DOCK9: variants seen among roughly 807,000 people sequenced by gnomAD.
DOCK9 encodes the protein dedicator of cytokinesis protein 9.
A neutral mutation model predicts 263.3 loss-of-function variants in DOCK9; 89 were observed. The observed-to-expected ratio is 0.34, with a 90% CI of 0.28 to 0.40. The LOEUF (loss-of-function observed/expected upper bound fraction) is 0.40. Among genes scored for constraint, DOCK9 ranks in the 10% least tolerant of loss-of-function variants. The probability of loss-of-function intolerance (pLI) is 1.00; values close to 1 mark genes in which losing one functional copy is unlikely to be tolerated. For missense variants in DOCK9, 2,140 were observed against 2,603.4 expected (o/e 0.82, Z 3.87); for synonymous variants, 976 against 973.1 (o/e 1.00, Z -0.06).
At chr13:98,816,986 T>A (rs1328209635) in intron 45 of DOCK9, among the ~76,000 whole-genome samples, 4 of 152,104 alleles carry the variant, frequency 2.6e-5, no homozygotes, top group Admixed American at 1.3e-4. Flanking sequence ...GATAATTTTA[T>A]GAGACATAAA....
chr13:98,973,284 C>T (rs1365913585), intron 1 of DOCK9, among the ~76,000 whole-genome samples: 1 of 152,086 alleles, frequency 6.6e-6, no homozygotes, highest in African/African-American at 2.4e-5. Flanking sequence ...TGATCATTGC[C>T]CATAAGCTTA....
In DOCK9 at chr13:98,957,686, C is replaced by T. The variant is rs538180259; in HGVS notation, c.127-2135G>A. ...TGTTTGTCATACTGCATAGAGTAAC[C>T]AGTCAATAAATGCTTGCTGGCAAAA... On this transcript the variant is annotated intron_variant, in intron 1 of 52. Transcript: ENST00000682017. Among the ~76,000 whole-genome samples the T allele has an allele frequency of 1.5e-4, 22 of 151,702 alleles. No individual in the cohort carries two copies. In the South Asian group the frequency reaches 2.9e-3, roughly 20 times the overall value.
At position 98,948,788 on chromosome 13, in the gene DOCK9, G is replaced by T. The variant is rs1318800098; in HGVS notation, c.243+6647C>A. Among the ~76,000 whole-genome samples the T allele has an allele frequency of 4.6e-5, 7 of 152,112 alleles. No homozygotes were observed. In the South Asian group the frequency reaches 1.4e-3, roughly 31 times the overall value. On this transcript the variant is annotated intron_variant, in intron 2 of 52. Coordinates refer to ENST00000682017, the MANE Select transcript of DOCK9 (RefSeq NM_001366683.2). ...TTGATTCTTTAGGGACCTTACATAG[G>T]TGGAATTGAACAGTATTTGTCCTTC...
At chr13:98,983,407 G>A (rs9513526) in intron 1 of DOCK9, among the ~76,000 whole-genome samples, 22,667 of 151,940 alleles carry the variant, frequency 0.15, 2,414 homozygotes, top group East Asian at 0.43. Flanking sequence ...AGAGCAGAAC[G>A]GCACTGCAGA....
At chr13:98,887,143 A>ATTTTTTTTTTTTT (rs58434344) in intron 18 of DOCK9, among the ~76,000 whole-genome samples, 5 of 95,292 alleles carry the variant, frequency 5.2e-5, no homozygotes, top group East Asian at 4.3e-4. Context: ...ATATATATAT[A>ATTTTTTTTTTTTT]TTTTTTTTTT....
chr13:98,995,847 G>C (rs903256773), intron 1 of DOCK9, among the ~76,000 whole-genome samples: 1 of 152,142 alleles, frequency 6.6e-6, no homozygotes, highest in African/African-American at 2.4e-5. Context: ...GGCTGAGTTA[G>C]TGCAAATTGA....
At position 98,904,636 on chromosome 13, in the gene DOCK9, G is replaced by A. The variant is rs1278526703; in HGVS notation, c.1031C>T (p.Ala344Val). Residue 344 changes from alanine (A) to valine (V), a missense_variant, in exon 10 of 53, where the codon GCC becomes GTC. Around this residue, in one of 2 missense-constraint regions of DOCK9, gnomAD observed 1,521 missense variants for 1,741.7 expected, o/e 0.87. Coordinates refer to ENST00000682017, the MANE Select transcript of DOCK9 (RefSeq NM_001366683.2). Reference sequence around the variant, plus strand: ...AAACATTTAGATAGTTCTTACCTGGGCATCTGGGTCCAAATAAAAAAGTTT... The same window carrying A: ...AAACATTTAGATAGTTCTTACCTGGACATCTGGGTCCAAATAAAAAAGTTT... The part of the protein sequence containing the change: ...RVKLFYLDPD[A>V]QKLDFSSAEP... The A allele has an allele frequency of 1.3e-6, 2 of 1,554,022 alleles. No homozygotes were observed. The highest frequency in any genetic ancestry group is 1.9e-5 in the Admixed American group (1 of 51,292).
At chr13:99,000,560 T>C (rs1256588955) in intron 1 of DOCK9, among the ~76,000 whole-genome samples, 4 of 152,140 alleles carry the variant, frequency 2.6e-5, no homozygotes, top group Non-Finnish European at 4.4e-5. Flanking sequence ...TCAAGAAAAC[T>C]GTCACATACT....
intron 1 of DOCK9, among the ~76,000 whole-genome samples, chr13:99,073,873 C>T (rs796714861): frequency 4.6e-5 from 7 of 152,350 alleles, no homozygotes; most frequent in African/African-American, 1.7e-4. Context: ...AGAACTGCTT[C>T]TCCTGTTATC....
chr13:98,962,648 A>G (rs1263434542), intron 1 of DOCK9, among the ~76,000 whole-genome samples: 1 of 152,086 alleles, frequency 6.6e-6, no homozygotes, highest in African/African-American at 2.4e-5. Flanking sequence ...AAAAAAAAAA[A>G]AAAGAAAAAA....
chr13:99,025,617 C>T (rs1460882844), intron 1 of DOCK9, among the ~76,000 whole-genome samples: 1 of 152,198 alleles, frequency 6.6e-6, no homozygotes, highest in Non-Finnish European at 1.5e-5. Flanking sequence ...TGCAAAACAG[C>T]GTAGCCGCTA....
chr13:98,833,368 A>G (rs1276495585), intron 39 of DOCK9, among the ~76,000 whole-genome samples: 1 of 152,106 alleles, frequency 6.6e-6, no homozygotes, highest in Non-Finnish European at 1.5e-5. Flanking sequence ...TCTGGAGGTG[A>G]GCTTTCATTT....
chr13:98,904,652 A>T lies in DOCK9; in HGVS notation c.1015T>A (p.Tyr339Asn), dbSNP rs763777876. 1 of 1,557,242 alleles carries T rather than the reference A, an allele frequency of 6.4e-7. No individual in the cohort carries two copies. The highest frequency in any genetic ancestry group is 8.7e-7 in the Non-Finnish European group (1 of 1,149,262). The change falls in exon 10 of 53, where the codon TAT (tyrosine) becomes AAT (asparagine). Residue 339 changes from tyrosine (Y) to asparagine (N), a missense_variant. By Grantham distance (143) the Tyr-to-Asn change is moderately radical. Transcript: ENST00000682017. ...LKSESRVKLF[Y>N]LDPDAQKLDF... ...CTTACCTGGGCATCTGGGTCCAAAT[A>T]AAAAAGTTTGACTCTGCTTTCACTT...
At chr13:98,939,321 G>A (rs867100458) in intron 2 of DOCK9, among the ~76,000 whole-genome samples, 20 of 152,130 alleles carry the variant, frequency 1.3e-4, no homozygotes, top group African/African-American at 4.3e-4. Flanking sequence ...AAGAAGGCCC[G>A]GGGTCCACAG....
intron 2 of DOCK9, among the ~76,000 whole-genome samples, chr13:98,953,270 C>G (rs1182102965): frequency 3.9e-5 from 6 of 152,208 alleles, no homozygotes; most frequent in African/African-American, 1.4e-4. Flanking sequence ...TCTCCCCAAA[C>G]AGAAAATAAT....
intron 5 of DOCK9, among the ~76,000 whole-genome samples, chr13:98,922,650 T>C (rs2052245402): frequency 1.3e-5 from 2 of 152,170 alleles, no homozygotes; most frequent in African/African-American, 4.8e-5. Context: ...ATAAAAATAA[T>C]TTGCTACATG....
At chr13:98,889,193 A>T (rs1269384183) in intron 15 of DOCK9, among the ~76,000 whole-genome samples, 1 of 152,190 alleles carries the variant, frequency 6.6e-6, no homozygotes, top group Non-Finnish European at 1.5e-5. Context: ...CTAAGCTATG[A>T]GGATGCAAAG....
intron 2 of DOCK9, among the ~76,000 whole-genome samples, chr13:98,931,292 A>AT (rs10623923): frequency 2.6e-4 from 39 of 148,500 alleles, no homozygotes; most frequent in Non-Finnish European, 4.5e-4. Flanking sequence ...TAATTTTTTT[A>AT]TTTATTTTAT....
rs117384084 is a variant in DOCK9, at chr13:98,928,107, T to C, written c.333+2061A>G. 9.3e-3 allele frequency among the ~76,000 whole-genome samples: 1,408 copies of C among 151,406 alleles called. 8 individuals are homozygous for C. Among genetic ancestry groups the C allele is most frequent in the Non-Finnish European group, 0.016 (1,068 of 67,952 alleles). On this transcript the variant is annotated intron_variant, in intron 3 of 52. Coordinates refer to ENST00000682017, the MANE Select transcript of DOCK9 (RefSeq NM_001366683.2). Reference sequence around the variant, plus strand: ...GTGTTGACCATCTACATAGCAGGCATTGGCTAAATTCCAAAGCAGAAGCAC... The same window carrying C: ...GTGTTGACCATCTACATAGCAGGCACTGGCTAAATTCCAAAGCAGAAGCAC...
Sources: gnomAD v4.1 joint callset for allele counts (sites outside exome capture counted in the v4.1 genomes callset) on GRCh38, gnomAD v4.1.1 for gene constraint, gnomAD v4.1.1 regional missense constraint, MANE v1.5 for transcripts, NCBI Gene and HGNC (gene_info 2026-07-23, HGNC 2026-07-21) for gene names.